The following ANK3 variants were observed in gnomAD, a reference collection of about 807,000 sequenced individuals.
ANK3 encodes ankyrin-3.
ANK3 carries 57 observed loss-of-function variants against 370.9 expected under a neutral mutation model. The ratio of observed to expected loss-of-function variants is 0.15; its 90% CI spans 0.12 to 0.19. The LOEUF (loss-of-function observed/expected upper bound fraction) is 0.19. Ranked by LOEUF, ANK3 falls within the 10% of genes least tolerant of loss-of-function variation. The pLI is 1.00. For missense variants in ANK3, 4,439 were observed against 5,302.1 expected, an observed-to-expected ratio of 0.84 and a Z score of 5.06; for synonymous variants, 1,929 against 1,946.3, an observed-to-expected ratio of 0.99 and a Z score of 0.23.
At chr10:60,226,442 A>G (rs2097145453) in intron 8 of ANK3, among the ~76,000 whole-genome samples, 1 of 115,378 alleles carries the variant, frequency 8.7e-6, no homozygotes, top group African/African-American at 3.4e-5. Flanking sequence ...AATATATAAC[A>G]TACTATAAAA....
At chr10:60,604,815 C>T (rs779204039) in intron 2 of ANK3, among the ~76,000 whole-genome samples, 35 of 152,084 alleles carry the variant, frequency 2.3e-4, no homozygotes, top group Non-Finnish European at 4.6e-4. Context: ...GAAAGAAAGG[C>T]TCCAACACTC....
At chr10:60,098,794 T>A (rs1219064040) in intron 28 of ANK3, among the ~76,000 whole-genome samples, 1 of 152,236 alleles carries the variant, frequency 6.6e-6, no homozygotes, top group Non-Finnish European at 1.5e-5. Flanking sequence ...ATCTGGTTTA[T>A]ATATATTTGG....
At chr10:60,046,999 G>T (rs2077078825) in intron 42 of ANK3, among the ~76,000 whole-genome samples, 1 of 152,006 alleles carries the variant, frequency 6.6e-6, no homozygotes, top group African/African-American at 2.4e-5. Flanking sequence ...AGGAGAGACG[G>T]GGTTTCACCG....
At chr10:60,641,208 C>A (rs55857708) in intron 1 of ANK3, among the ~76,000 whole-genome samples, 92,605 of 139,446 alleles carry the variant, frequency 0.66, 31,067 homozygotes, top group South Asian at 0.8. Flanking sequence ...ATACTGCCCA[C>A]GGTAATTTAT....
chr10:60,396,486 C>T (rs1239911405), intron 2 of ANK3, among the ~76,000 whole-genome samples: 1 of 152,164 alleles, frequency 6.6e-6, no homozygotes, highest in East Asian at 1.9e-4. Context: ...TTTGGTAACA[C>T]TTATCTCTTA....
intron 23 of ANK3, among the ~76,000 whole-genome samples, chr10:60,161,593 T>C (rs914577154): frequency 5.9e-5 from 9 of 151,826 alleles, no homozygotes; most frequent in African/African-American, 1.9e-4. Flanking sequence ...TGCAAAAACA[T>C]GGATGGAATT....
At chr10:60,659,702 C>A (rs1047818229) in intron 1 of ANK3, among the ~76,000 whole-genome samples, 1 of 151,968 alleles carries the variant, frequency 6.6e-6, no homozygotes, top group South Asian at 2.1e-4. Context: ...GAAAAGACTG[C>A]CCCTTGCTTT....
chr10:60,561,846 C>A (rs1302216912), intron 2 of ANK3, among the ~76,000 whole-genome samples: 1 of 152,168 alleles, frequency 6.6e-6, no homozygotes, highest in Non-Finnish European at 1.5e-5. Flanking sequence ...ATCAGCCAGA[C>A]CTTCCCTGGC....
At chr10:60,716,620 C>T (rs1051286604) in intron 1 of ANK3, among the ~76,000 whole-genome samples, 2 of 152,130 alleles carry the variant, frequency 1.3e-5, no homozygotes, top group African/African-American at 4.8e-5. Flanking sequence ...CTCAAATGAT[C>T]CTCCCACGTC....
chr10:60,074,369 T>A lies in ANK3; in HGVS notation c.6512A>T (p.His2171Leu), dbSNP rs370711252. Residue 2171 changes from histidine (H) to leucine (L), a missense_variant, in exon 37 of 44, where the codon CAT becomes CTT. Physicochemically the swap from His to Leu is moderately conservative, Grantham distance 99 (BLOSUM62 -3). Around this residue, in one of 13 missense-constraint regions of ANK3, gnomAD observed 1,601 missense variants for 1,731.7 expected, o/e 0.92. Transcript: ENST00000280772. ...TGAGGGATCATAGCTCCTGATAACA[T>A]GAACCACTTCAGTTCTTGTTTCTGT... Reference protein sequence around the residue: ...VITETRTEVVHVIRSYDPSAG... With the variant: ...VITETRTEVVLVIRSYDPSAG... 3.1e-6 allele frequency: 5 copies of A among 1,614,074 alleles called. No homozygotes were observed. The highest frequency in any genetic ancestry group is 4.2e-6 in the Non-Finnish European group (5 of 1,179,978).
chr10:60,679,485 T>C (rs2133389143), intron 1 of ANK3, among the ~76,000 whole-genome samples: 1 of 152,278 alleles, frequency 6.6e-6, no homozygotes, highest in African/African-American at 2.4e-5. Flanking sequence ...GGCTCAAGCA[T>C]GCACACTAGG....
At chr10:60,444,722 C>T (rs773821318) in intron 2 of ANK3, among the ~76,000 whole-genome samples, 25 of 152,068 alleles carry the variant, frequency 1.6e-4, no homozygotes, top group Admixed American at 3.3e-4. Flanking sequence ...TCTTAAATTG[C>T]TAAGAAAACA....
chr10:60,237,599 C>CT (rs200500264), intron 7 of ANK3, among the ~76,000 whole-genome samples: 105 of 151,186 alleles, frequency 6.9e-4, no homozygotes, highest in African/African-American at 2.5e-3. Context: ...TTTTTTTTCT[C>CT]TTTTTTTTAA....
intron 43 of ANK3, among the ~76,000 whole-genome samples, chr10:60,039,711 A>T (rs2075765588): frequency 6.6e-6 from 1 of 152,024 alleles, no homozygotes; most frequent in Non-Finnish European, 1.5e-5. Context: ...CTATTTTTTT[A>T]AAAAAGGGGT....
At chr10:60,601,217 C>T (rs1299049928) in intron 2 of ANK3, among the ~76,000 whole-genome samples, 1 of 150,926 alleles carries the variant, frequency 6.6e-6, no homozygotes, top group Admixed American at 6.6e-5. Context: ...ACACACCCAA[C>T]ATCCCCCTCT....
chr10:60,235,805 C>T lies in ANK3; in HGVS notation c.799-1019G>A, dbSNP rs556918334. 4.6e-5 allele frequency among the ~76,000 whole-genome samples: 7 copies of T among 152,116 alleles called. No homozygotes were observed. The South Asian group carries it at 8.3e-4, about 18-fold the overall frequency. On this transcript the variant is annotated intron_variant, in intron 7 of 43. Coordinates refer to ENST00000280772, the MANE Select transcript of ANK3 (RefSeq NM_020987.5). The stretch of plus-strand genomic sequence containing the variant: ...TCACAGGGATTATGTATTTATAATT[C>T]GATAACAGAAACAATATAGTAGCTA...
At chr10:60,691,235 C>A (rs2079347740) in intron 1 of ANK3, among the ~76,000 whole-genome samples, 1 of 152,052 alleles carries the variant, frequency 6.6e-6, no homozygotes. Context: ...ATCATTCATA[C>A]CCCAAACCCC....
At chr10:60,533,457 AAC>A (rs1273313084) in intron 2 of ANK3, among the ~76,000 whole-genome samples, 1 of 152,102 alleles carries the variant, frequency 6.6e-6, no homozygotes, top group Non-Finnish European at 1.5e-5. Context: ...TCTTCTCCAA[AAC>A]ACTCCTCCAC....
chr10:60,221,183 G>A (rs1017903666), intron 8 of ANK3, among the ~76,000 whole-genome samples: 2 of 151,594 alleles, frequency 1.3e-5, no homozygotes, highest in South Asian at 2.1e-4. Context: ...GGGTTCAAGC[G>A]ATTCTCTTGC....
Sources: gnomAD v4.1 joint callset for allele counts (sites outside exome capture counted in the v4.1 genomes callset) on GRCh38, gnomAD v4.1.1 for gene constraint, gnomAD v4.1.1 regional missense constraint, MANE v1.5 for transcripts, NCBI Gene and HGNC (gene_info 2026-07-23, HGNC 2026-07-21) for gene names.